Variants in ITIH3 observed in about 807,000 individuals in gnomAD.
ITIH3 encodes inter-alpha-trypsin inhibitor heavy chain 3, also known as inter-alpha-trypsin inhibitor heavy chain H3.
In ITIH3, 81 loss-of-function variants were observed where a neutral mutation model predicts 96.5. The observed-to-expected ratio is 0.84, with a 90% CI of 0.70 to 1.01. The LOEUF is 1.01. Among genes scored for constraint, ITIH3 ranks in the 50% least tolerant of loss-of-function variants. ITIH3 has a pLI of 0.00. For synonymous variants in ITIH3, 422 were observed against 445.2 expected, an observed-to-expected ratio of 0.95 and a Z score of 0.66; for missense variants, 1,057 against 1,139.3, an observed-to-expected ratio of 0.93 and a Z score of 1.04.
At chr3:52,806,787 C>A in intron 18 of ITIH3, 114 bp from the exon 19 acceptor site, 1 of 814,876 alleles carries the variant, frequency 1.2e-6, no homozygotes, top group Non-Finnish European at 2.0e-6. Context: ...TCTCTTGTGG[C>A]CCCCGCTCTG....
intron 9 of ITIH3, 70 bp downstream of exon 9, chr3:52,799,991 C>T (rs1699758826): frequency 4.1e-6 from 6 of 1,475,768 alleles, no homozygotes; most frequent in East Asian, 4.5e-5. Context: ...GCCTGCAACC[C>T]CCCTCTTAGG....
chr3:52,795,793 CCA>C (rs1219003338), intron 2 of ITIH3, 170 bp downstream of exon 2: 1 of 624,010 alleles, frequency 1.6e-6, no homozygotes, highest in African/African-American at 1.8e-5. Flanking sequence ...GGAAAGAGCA[CCA>C]CAGAGTGACG....
At chr3:52,798,141 AG>A (rs1217576896) in intron 6 of ITIH3, among the ~76,000 whole-genome samples, 2 of 152,164 alleles carry the variant, frequency 1.3e-5, no homozygotes, top group African/African-American at 2.4e-5. Flanking sequence ...GACCTGCCAG[AG>A]GAGCCATTTA....
chr3:52,805,940 G>A (rs72954395), intron 16 of ITIH3, 100 bp downstream of exon 16: 36,703 of 1,548,266 alleles, frequency 0.024, 2,682 homozygotes, highest in African/African-American at 0.22. Context: ...TCCGGGATGG[G>A]CAGATGGACA....
At chr3:52,807,459 G>A (rs72954402) in intron 19 of ITIH3, among the ~76,000 whole-genome samples, 7,260 of 152,322 alleles carry the variant, frequency 0.048, 652 homozygotes, top group African/African-American at 0.16. Context: ...TGTGGAGCCT[G>A]CCCAATGTCA....
Position 52,808,337 on chromosome 3 carries a change from C to T in ITIH3, c.2543+116C>T, listed in dbSNP as rs961192703. 71 of 1,082,300 alleles carry T rather than the reference C, an allele frequency of 6.6e-5. 1 individual carries two copies. Among genetic ancestry groups the T allele is most frequent in the South Asian group, 3.8e-4 (26 of 69,286 alleles). The allele number at this position is 1,082,300 out of a possible 1,614,324, so 67.0% of individuals were successfully genotyped here. On this transcript the variant is annotated intron_variant, in intron 21 of 21. Transcript: ENST00000449956. ...TGTCTTCTGTGGGGTACCCTTGTTTCCCTTTGAGGTCTTGGCCCCTCCCAG... is the reference window on the plus strand; with the variant it reads ...TGTCTTCTGTGGGGTACCCTTGTTTTCCTTTGAGGTCTTGGCCCCTCCCAG...
At chr3:52,804,854 C>G (rs1021553359) in intron 15 of ITIH3, 120 bp downstream of exon 15, 3 of 1,142,160 alleles carry the variant, frequency 2.6e-6, no homozygotes, top group Non-Finnish European at 3.9e-6. Flanking sequence ...GACACCTGGG[C>G]TCAGGCCCAG....
Position 52,802,420 on chromosome 3 carries a change from C to T in ITIH3, c.1470C>T (p.Asn490=), listed in dbSNP as rs1488136232. The T allele has an allele frequency of 1.2e-6, 2 of 1,613,982 alleles. No homozygotes were observed. Among genetic ancestry groups the T allele is most frequent in the Non-Finnish European group, 1.7e-6 (2 of 1,179,884 alleles). The change falls in exon 12 of 22, where the codon AAC becomes AAT. Residue 490 remains asparagine (N), a synonymous_variant. Coordinates refer to ENST00000449956, the MANE Select transcript of ITIH3 (RefSeq NM_002217.4). Reference sequence around the variant, plus strand: ...ACGCTATCCTGGACCTCACCCAGAACACTTACCAGCACTTCTACGATGGCT... The same window carrying T: ...ACGCTATCCTGGACCTCACCCAGAATACTTACCAGCACTTCTACGATGGCT... The part of the protein sequence containing the change: ...PENAILDLTQ[N]TYQHFYDGSE...
chr3:52,802,181 G>GC (rs1283257164), intron 11 of ITIH3, 153 bp from the exon 12 acceptor site: 3 of 700,036 alleles, frequency 4.3e-6, no homozygotes, highest in Admixed American at 3.0e-5. Flanking sequence ...CCGGGGGGAG[G>GC]CCCCCACAGA....
At chr3:52,800,746 C>A in intron 10 of ITIH3, 83 bp downstream of exon 10, 3 of 1,539,854 alleles carry the variant, frequency 1.9e-6, no homozygotes. Flanking sequence ...CATTGGAAAA[C>A]CTGGGGCAGC....
At position 52,796,468 on chromosome 3, in the gene ITIH3, C is replaced by T; in HGVS notation, c.115-13C>T. The stretch of plus-strand genomic sequence containing the variant: ...GTCCCAGTCTGGCTGATTCTCCACC[C>T]ACCTCCCCAAAGGTGGCCAATGGCA... On this transcript the variant is annotated splice_polypyrimidine_tract_variant and intron_variant, in intron 2 of 21. Coordinates refer to ENST00000449956, the MANE Select transcript of ITIH3 (RefSeq NM_002217.4). The T allele has an allele frequency of 6.2e-7, 1 of 1,607,448 alleles. No individual in the cohort carries two copies.
intron 5 of ITIH3, among the ~76,000 whole-genome samples, chr3:52,797,501 C>A (rs1047393737): frequency 1.3e-5 from 2 of 152,246 alleles, no homozygotes; most frequent in African/African-American, 4.8e-5. Flanking sequence ...TCAAGAGCAA[C>A]ACCAGCAAGT....
Position 52,806,253 on chromosome 3 carries a change from G to C in ITIH3, c.1943-40G>C, listed in dbSNP as rs1380843547. The C allele has an allele frequency of 4.4e-6, 7 of 1,602,182 alleles. 1 individual carries two copies. The Admixed American group carries it at 5.0e-5, about 12-fold the overall frequency. On this transcript the variant is annotated intron_variant, in intron 17 of 21. Transcript: ENST00000449956. ...CTGGGGGAGGCCCCAGGTATGATGA[G>C]AGGCCCCGGGAGTCAGCTCCTTCTC...
intron 6 of ITIH3, among the ~76,000 whole-genome samples, 175 bp downstream of exon 6, chr3:52,798,105 T>C (rs1426092823): frequency 6.6e-6 from 1 of 152,152 alleles, no homozygotes; most frequent in Admixed American, 6.5e-5. Context: ...GGAGTGAGGA[T>C]GCTGAGGGCA....
At position 52,806,147 on chromosome 3, in the gene ITIH3, C is replaced by T; in HGVS notation, c.1942+9C>T. 6.2e-7 allele frequency: 1 copy of T among 1,601,752 alleles called. No homozygotes were observed. Among genetic ancestry groups the T allele is most frequent in the Non-Finnish European group, 8.5e-7 (1 of 1,174,114 alleles). The stretch of plus-strand genomic sequence containing the variant: ...AAACCCCTACTACTATGGTGAGTCC[C>T]TGGCTGCTCCTCGGGAAGGCTCAGG... On this transcript the variant is annotated intron_variant, in intron 17 of 21. Transcript: ENST00000449956.
intron 2 of ITIH3, 100 bp downstream of exon 2, chr3:52,795,723 C>A: frequency 8.3e-7 from 1 of 1,202,022 alleles, no homozygotes; most frequent in Non-Finnish European, 1.2e-6. Flanking sequence ...TGACTCCTCA[C>A]AGCTGGCAAA....
Position 52,800,575 on chromosome 3 carries a change from T to G in ITIH3, c.1113T>G (p.Ser371Arg). 6.4e-7 allele frequency: 1 copy of G among 1,563,180 alleles called. No homozygotes were observed. The highest frequency in any genetic ancestry group is 8.7e-7 in the Non-Finnish European group (1 of 1,153,494). Residue 371 changes from serine (S) to arginine (R), a missense_variant, in exon 10 of 22, where the codon AGT becomes AGG. Transcript: ENST00000449956. ...NINDGLLRGI[S>R]MLNKAREEHR... The stretch of plus-strand genomic sequence containing the variant: ...ATGACGGGCTGCTGAGGGGCATCAG[T>G]ATGCTGAACAAGGCCCGAGAGGAGC...
chr3:52,805,052 C>A, intron 15 of ITIH3: 1 of 315,000 alleles, frequency 3.2e-6, no homozygotes. Flanking sequence ...CAAGAGGGCC[C>A]TTTTATGATC....
intron 13 of ITIH3, 96 bp downstream of exon 13, chr3:52,802,902 T>C: frequency 1.4e-6 from 2 of 1,399,838 alleles, no homozygotes; most frequent in South Asian, 1.3e-5. Context: ...TGCCCTCTTC[T>C]TGGGCCAGCC....
Sources: allele counts gnomAD v4.1 joint callset (sites outside exome capture counted in the v4.1 genomes callset), GRCh38; gene constraint gnomAD v4.1.1; transcripts MANE v1.5; gene names NCBI Gene and HGNC (gene_info 2026-07-23, HGNC 2026-07-21).